Variants in CKAP2L observed in about 807,000 individuals in gnomAD.
CKAP2L encodes cytoskeleton-associated protein 2-like.
A neutral mutation model predicts 65.7 loss-of-function variants in CKAP2L; 42 were observed. That is an observed-to-expected ratio of 0.64 (90% CI 0.50 to 0.83). The LOEUF (loss-of-function observed/expected upper bound fraction) is 0.83, where lower values mean the gene tolerates loss of function less well. Among genes scored for constraint, CKAP2L ranks in the 40% least tolerant of loss-of-function variants. CKAP2L has a pLI of 0.00. For missense variants in CKAP2L, 908 were observed against 871.0 expected, an observed-to-expected ratio of 1.04 and a Z score of -0.53; for synonymous variants, 325 against 313.5, an observed-to-expected ratio of 1.04 and a Z score of -0.39.
chr2:112,741,461 T>A (rs1291030756), intron 7 of CKAP2L, among the ~76,000 whole-genome samples: 4 of 152,164 alleles, frequency 2.6e-5, no homozygotes, highest in African/African-American at 9.7e-5. Flanking sequence ...GGGCAAAAAC[T>A]GTCTTGCATT....
At position 112,740,855 on chromosome 2, in the gene CKAP2L, A is replaced by G. The variant is rs1320097973; in HGVS notation, c.1975T>C (p.Tyr659His). ...PRIAKAEQHN[Y>H]PGIKLQIGPI... ...CCAATCTGTAATTTGATACCAGGATAATTATGCTGTTCTGCCTTGGCTATT... is the reference window on the plus strand; with the variant it reads ...CCAATCTGTAATTTGATACCAGGATGATTATGCTGTTCTGCCTTGGCTATT... Residue 659 changes from tyrosine to histidine, a missense_variant, in exon 8 of 9, where the codon TAT becomes CAT. Coordinates refer to ENST00000302450, the MANE Select transcript of CKAP2L (RefSeq NM_152515.5). 2.5e-6 allele frequency: 4 copies of G among 1,613,422 alleles called. No homozygotes were observed. The South Asian group carries it at 3.3e-5, about 13-fold the overall frequency.
chr2:112,763,097 TA>T (rs1680779637), intron 1 of CKAP2L, among the ~76,000 whole-genome samples: 2 of 152,204 alleles, frequency 1.3e-5, no homozygotes, highest in Non-Finnish European at 2.9e-5. Context: ...AAATTTACAT[TA>T]TTGCTTTCAA....
At position 112,752,243 on chromosome 2, in the gene CKAP2L, G is replaced by A. The variant is rs763023421; in HGVS notation, c.1602+24C>T. On this transcript the variant is annotated intron_variant, in intron 5 of 8. Coordinates refer to ENST00000302450, the MANE Select transcript of CKAP2L (RefSeq NM_152515.5). ...ATTATAAGACTTTGGGCCAAAGCTG[G>A]AGGAGCTTATCTTCTTCACTTACCC... 4.5e-6 allele frequency: 7 copies of A among 1,561,208 alleles called. No individual in the cohort carries two copies. The East Asian group carries it at 1.1e-4, about 25-fold the overall frequency.
chr2:112,755,832 A>T (rs901187223), intron 4 of CKAP2L, 145 bp downstream of exon 4: 6 of 741,648 alleles, frequency 8.1e-6, no homozygotes, highest in African/African-American at 1.8e-5. Context: ...AATATTTGTT[A>T]TATTTGCTTC....
At chr2:112,755,207 T>C (rs1680493361) in intron 4 of CKAP2L, among the ~76,000 whole-genome samples, 1 of 152,230 alleles carries the variant, frequency 6.6e-6, no homozygotes, top group African/African-American at 2.4e-5. Flanking sequence ...TGAGACTACA[T>C]TTGGTCCTGG....
Position 112,762,510 on chromosome 2 carries a change from T to A in CKAP2L, c.97A>T (p.Asn33Tyr). The A allele has an allele frequency of 6.2e-7, 1 of 1,613,700 alleles. No individual in the cohort carries two copies. The highest frequency in any genetic ancestry group is 1.1e-5 in the South Asian group (1 of 91,078). Reference protein sequence around the residue: ...LAAKGKLKSQNTKPYLKSKNN... With the variant: ...LAAKGKLKSQYTKPYLKSKNN... ...GTGGACAGATAAACTCACTTGGTGT[T>A]TTGGCTCTTCAGTTTTCCCTTGGCT... The change falls in exon 2 of 9, where the codon AAC becomes TAC. Residue 33 changes from asparagine (N) to tyrosine (Y), a missense_variant. Asn to Tyr is a moderately radical substitution (Grantham distance 143). Coordinates refer to ENST00000302450, the MANE Select transcript of CKAP2L (RefSeq NM_152515.5).
At chr2:112,759,351 T>G (rs1391579896) in intron 3 of CKAP2L, among the ~76,000 whole-genome samples, 1 of 152,230 alleles carries the variant, frequency 6.6e-6, no homozygotes, top group Admixed American at 6.5e-5. Flanking sequence ...ATTGTTGTCA[T>G]GTATCGAAAG....
rs1309130820 is a variant in CKAP2L at position 112,749,331 on chromosome 2, CA to C, written c.1603-2757del. Among the ~76,000 whole-genome samples the C allele has an allele frequency of 4.6e-5, 7 of 152,242 alleles. No homozygotes were observed. In the East Asian group the frequency reaches 1.2e-3, roughly 25 times the overall value. On this transcript the variant is annotated intron_variant, in intron 5 of 8. Coordinates refer to ENST00000302450, the MANE Select transcript of CKAP2L (RefSeq NM_152515.5). ...TCATGAATCTTTCTGTACCTAACAA[CA>C]TAACTTTAAAAAATAGAAAGTAAAA...
chr2:112,748,821 C>T (rs1261938145), intron 5 of CKAP2L, among the ~76,000 whole-genome samples: 2 of 150,010 alleles, frequency 1.3e-5, no homozygotes, highest in African/African-American at 4.9e-5. Context: ...GCTATGATGG[C>T]ATCACTGCAC....
intron 3 of CKAP2L, among the ~76,000 whole-genome samples, chr2:112,760,131 T>C (rs964785146): frequency 6.6e-6 from 1 of 152,192 alleles, no homozygotes; most frequent in East Asian, 1.9e-4. Context: ...ATTTCTTCCA[T>C]TTAAACTTTA....
At chr2:112,747,216 G>A (rs751916733) in intron 5 of CKAP2L, among the ~76,000 whole-genome samples, 4 of 151,468 alleles carry the variant, frequency 2.6e-5, no homozygotes, top group Non-Finnish European at 5.9e-5. Context: ...TTAGCCTCTC[G>A]AGTAGCTGAG....
At chr2:112,742,624 TTTC>T (rs1680048429) in intron 7 of CKAP2L, 79 bp downstream of exon 7, 5 of 967,106 alleles carry the variant, frequency 5.2e-6, no homozygotes, top group Admixed American at 2.2e-5. Flanking sequence ...GGATGATTCT[TTTC>T]TTCTTTTTCC....
At position 112,753,526 on chromosome 2, in the gene CKAP2L, C is replaced by CTTTTTTTT. The variant is rs59027525; in HGVS notation, c.1395-1060_1395-1053dup. 3.5e-4 allele frequency among the ~76,000 whole-genome samples: 35 copies of CTTTTTTTT among 100,376 alleles called. 1 individual carries two copies. Among genetic ancestry groups the CTTTTTTTT allele is most frequent in the Non-Finnish European group, 4.5e-4 (23 of 51,294 alleles). 65.9% of individuals were successfully genotyped at this position (100,376 alleles called of 152,430 possible). A position where few individuals can be genotyped will look rare whatever the true frequency, so the allele number is the denominator to read the frequency against. ...CTCAGGTATCCTTAAAGTTTCTTTTCTTTTTTTTTTTTTTTTTTTTTGAGA... is the reference window on the plus strand; with the variant it reads ...CTCAGGTATCCTTAAAGTTTCTTTTCTTTTTTTTTTTTTTTTTTTTTTTTTTTTTGAGA... On this transcript the variant is annotated intron_variant, in intron 4 of 8. Transcript: ENST00000302450.
intron 4 of CKAP2L, among the ~76,000 whole-genome samples, chr2:112,754,329 T>G (rs140549016): frequency 9.8e-5 from 15 of 152,318 alleles, no homozygotes; most frequent in African/African-American, 3.6e-4. Flanking sequence ...CAGAGCAACA[T>G]CCATGCAATA....
chr2:112,751,167 T>A (rs1211707834), intron 5 of CKAP2L, among the ~76,000 whole-genome samples: 1 of 152,180 alleles, frequency 6.6e-6, no homozygotes, highest in African/African-American at 2.4e-5. Context: ...ATAAAAATAA[T>A]TCTCATGTCA....
chr2:112,746,544 A>G lies in CKAP2L; in HGVS notation c.1634T>C (p.Leu545Ser), dbSNP rs1680207120. 2 of 1,612,760 alleles carry G rather than the reference A, an allele frequency of 1.2e-6. No homozygotes were observed. Among genetic ancestry groups the G allele is most frequent in the Non-Finnish European group, 1.7e-6 (2 of 1,179,016 alleles). ...TTTTTCAGCTTCAGGAATGCTGGAC[A>G]ATATGTTAAGTATTTCATTAGAAGG... ...GVPSNEILNI[L>S]SSIPEAEKFA... Residue 545 changes from leucine (L) to serine (S), a missense_variant, in exon 6 of 9, where the codon TTG becomes TCG. Transcript: ENST00000302450.
Position 112,756,983 on chromosome 2 carries a change from T to C in CKAP2L, c.388A>G (p.Thr130Ala). 6.2e-7 allele frequency: 1 copy of C among 1,614,228 alleles called. No homozygotes were observed. Among genetic ancestry groups the C allele is most frequent in the Non-Finnish European group, 8.5e-7 (1 of 1,180,040 alleles). ...SFQQCEAGSS[T>A]TGELSRKPVG... ...GGTTTTCTTGACAGTTCTCCTGTTG[T>C]GGACGATCCAGCTTCACACTGTTGA... The change falls in exon 4 of 9, where the codon ACA becomes GCA. Residue 130 changes from threonine (T) to alanine (A), a missense_variant. By Grantham distance (58) the Thr-to-Ala change is moderately conservative (BLOSUM62 0). Transcript: ENST00000302450.
intron 4 of CKAP2L, among the ~76,000 whole-genome samples, chr2:112,755,733 A>T (rs1202067980): frequency 6.6e-6 from 1 of 151,550 alleles, no homozygotes; most frequent in Non-Finnish European, 1.5e-5. Flanking sequence ...TCAATTTCTT[A>T]AAAAGAAAAA....
At chr2:112,762,359 C>T (rs1348818692) in intron 2 of CKAP2L, 144 bp downstream of exon 2, 9 of 654,082 alleles carry the variant, frequency 1.4e-5, no homozygotes, top group Non-Finnish European at 2.5e-5. Context: ...CATGCCTGGA[C>T]TGAAATGCTC....
Sources: gnomAD v4.1 joint callset for allele counts (sites outside exome capture counted in the v4.1 genomes callset) on GRCh38, gnomAD v4.1.1 for gene constraint, MANE v1.5 for transcripts, NCBI Gene and HGNC (gene_info 2026-07-23, HGNC 2026-07-21) for gene names.